The following CFTR variants were observed in gnomAD, a reference collection of about 807,000 sequenced individuals.
CFTR encodes CF transmembrane conductance regulator, also known as cystic fibrosis transmembrane conductance regulator.
In CFTR, 181 loss-of-function variants were observed where a neutral mutation model predicts 171.6. The ratio of observed to expected loss-of-function variants is 1.05; its 90% CI spans 0.93 to 1.19. CFTR has a LOEUF of 1.19. Ranked by LOEUF, CFTR falls within the 50% of genes most tolerant of loss-of-function variation. The pLI is 0.00. For synonymous variants in CFTR, 583 were observed against 608.0 expected, an observed-to-expected ratio of 0.96 and a Z score of 0.60; for missense variants, 1,968 against 1,734.7, an observed-to-expected ratio of 1.13 and a Z score of -2.39.
At chr7:117,556,744 C>T (rs1351379975) in intron 10 of CFTR, among the ~76,000 whole-genome samples, 3 of 150,524 alleles carry the variant, frequency 2.0e-5, no homozygotes, top group Admixed American at 6.6e-5. Flanking sequence ...TGGTCTCGAT[C>T]TCCTGACCTC....
In CFTR at chr7:117,531,004, T is replaced by C. The variant is rs2116670348; in HGVS notation, c.379T>C (p.Leu127=). The part of the protein sequence containing the change: ...RSIAIYLGIG[L]CLLFIVRTLL... ...TATCGCGATTTATCTAGGCATAGGCTTATGCCTTCTCTTTATTGTGAGGAC... is the reference window on the plus strand; with the variant it reads ...TATCGCGATTTATCTAGGCATAGGCCTATGCCTTCTCTTTATTGTGAGGAC... The change falls in exon 4 of 27, where the codon TTA becomes CTA. Residue 127 remains leucine, a synonymous_variant. Coordinates refer to ENST00000003084, the MANE Select transcript of CFTR (RefSeq NM_000492.4). 5 of 1,612,544 alleles carry C rather than the reference T, an allele frequency of 3.1e-6. No homozygotes were observed. The highest frequency in any genetic ancestry group is 4.2e-6 in the Non-Finnish European group (5 of 1,178,688).
intron 20 of CFTR, among the ~76,000 whole-genome samples, chr7:117,612,023 G>GTGTA (rs1323046521): frequency 0.014 from 770 of 53,202 alleles, 44 homozygotes; most frequent in Admixed American, 0.11. Context: ...ATATATATAT[G>GTGTA]TATATATATA....
intron 1 of CFTR, among the ~76,000 whole-genome samples, chr7:117,499,429 C>CTGTGTGTGTGTGTG (rs56985019): frequency 0.067 from 9,122 of 135,774 alleles, 554 homozygotes; most frequent in African/African-American, 0.16. Context: ...ATAGTTTCAT[C>CTGTGTGTGTGTGTG]TGTGTGTGTG....
chr7:117,579,475 A>G (rs1225298011), intron 11 of CFTR, among the ~76,000 whole-genome samples: 1 of 151,894 alleles, frequency 6.6e-6, no homozygotes, highest in African/African-American at 2.4e-5. Context: ...TATCTTTGGG[A>G]TAACATTCAT....
intron 1 of CFTR, among the ~76,000 whole-genome samples, chr7:117,498,433 A>G (rs996965410): frequency 6.6e-6 from 1 of 152,150 alleles, no homozygotes. Flanking sequence ...AGGAGGGGAA[A>G]TTAGTAACTT....
intron 25 of CFTR, 147 bp from the exon 26 acceptor site, chr7:117,665,312 T>G (rs937602520): frequency 4.9e-6 from 3 of 615,276 alleles, no homozygotes; most frequent in African/African-American, 3.7e-5. Flanking sequence ...AAGCTGATTG[T>G]GGCTAACGCT....
Position 117,606,741 on chromosome 7 carries a change from T to G in CFTR, c.2976T>G (p.Phe992Leu), listed in dbSNP as rs758250836. The G allele has an allele frequency of 6.4e-7, 1 of 1,569,836 alleles. No individual in the cohort carries two copies. Among genetic ancestry groups the G allele is most frequent in the Non-Finnish European group, 8.8e-7 (1 of 1,140,008 alleles). Residue 992 changes from phenylalanine to leucine, a missense_variant, in exon 18 of 27, where the codon TTT becomes TTG. By Grantham distance (22) the Phe-to-Leu change is conservative (BLOSUM62 0). Transcript: ENST00000003084. Reference protein sequence around the residue: ...ILDDLLPLTIFDFIQLLLIVI... With the variant: ...ILDDLLPLTILDFIQLLLIVI... ...ATGACCTTCTGCCTCTTACCATATT[T>G]GACTTCATCCAGGTATGTAAAAATA...
rs565891560 is a variant in CFTR, at chr7:117,520,899, A to T, written c.274-10000A>T. 5.9e-4 allele frequency among the ~76,000 whole-genome samples: 89 copies of T among 152,118 alleles called. 1 individual carries two copies. The highest frequency in any genetic ancestry group is 2.1e-3 in the African/African-American group (88 of 41,584). On this transcript the variant is annotated intron_variant, in intron 3 of 26. Coordinates refer to ENST00000003084, the MANE Select transcript of CFTR (RefSeq NM_000492.4). ...GGTGCTAAAAATTCACTTCCAAAAAAATCTTTAAATGTTGATGAAGATTGC... is the reference window on the plus strand; with the variant it reads ...GGTGCTAAAAATTCACTTCCAAAAATATCTTTAAATGTTGATGAAGATTGC...
chr7:117,559,220 C>T (rs1385658656), intron 10 of CFTR, among the ~76,000 whole-genome samples: 1 of 152,202 alleles, frequency 6.6e-6, no homozygotes, highest in African/African-American at 2.4e-5. Context: ...TGTGCCCCTT[C>T]TCTGTGAACC....
chr7:117,630,480 C>T (rs962555978), intron 22 of CFTR, among the ~76,000 whole-genome samples: 4 of 152,138 alleles, frequency 2.6e-5, no homozygotes, highest in Admixed American at 6.5e-5. Context: ...TCACATGATC[C>T]GGAAAATTTA....
At chr7:117,573,250 C>T (rs532047770) in intron 11 of CFTR, among the ~76,000 whole-genome samples, 1 of 152,248 alleles carries the variant, frequency 6.6e-6, no homozygotes, top group East Asian at 1.9e-4. Flanking sequence ...GCATATATCA[C>T]ATTGGATATG....
At chr7:117,643,425 C>G (rs1431919470) in intron 23 of CFTR, among the ~76,000 whole-genome samples, 1 of 152,054 alleles carries the variant, frequency 6.6e-6, no homozygotes, top group African/African-American at 2.4e-5. Flanking sequence ...AGGAGCACCT[C>G]CAGGTAGACT....
chr7:117,513,992 G>C (rs1351405316), intron 3 of CFTR, among the ~76,000 whole-genome samples: 2 of 152,000 alleles, frequency 1.3e-5, no homozygotes, highest in African/African-American at 4.8e-5. Flanking sequence ...AATTGGTCTG[G>C]GATAAAACCT....
At chr7:117,571,659 C>G (rs956232884) in intron 11 of CFTR, among the ~76,000 whole-genome samples, 5 of 152,054 alleles carry the variant, frequency 3.3e-5, no homozygotes, top group Non-Finnish European at 7.4e-5. Flanking sequence ...CGAACCTACC[C>G]CAAACACCTT....
chr7:117,623,014 T>G (rs933647329), intron 21 of CFTR, among the ~76,000 whole-genome samples: 3 of 152,192 alleles, frequency 2.0e-5, no homozygotes, highest in Non-Finnish European at 4.4e-5. Flanking sequence ...TTTTAAGGAT[T>G]GACCCCTTCT....
At chr7:117,529,398 G>C (rs1412665442) in intron 3 of CFTR, among the ~76,000 whole-genome samples, 1 of 128,432 alleles carries the variant, frequency 7.8e-6, no homozygotes, top group Non-Finnish European at 1.6e-5. Flanking sequence ...GATAGCATTG[G>C]GAGATATACC....
intron 11 of CFTR, among the ~76,000 whole-genome samples, chr7:117,561,805 A>T (rs1242084708): frequency 6.6e-6 from 1 of 152,166 alleles, no homozygotes; most frequent in African/African-American, 2.4e-5. Context: ...CAGGAGTAAA[A>T]TGAGGTAGCA....
chr7:117,496,214 T>G (rs1459878528), intron 1 of CFTR, among the ~76,000 whole-genome samples: 2 of 152,128 alleles, frequency 1.3e-5, no homozygotes, highest in Admixed American at 6.6e-5. Flanking sequence ...TTCTTTTTTA[T>G]TTTTTTAGAG....
At chr7:117,562,091 T>C (rs1217334274) in intron 11 of CFTR, among the ~76,000 whole-genome samples, 2 of 152,186 alleles carry the variant, frequency 1.3e-5, no homozygotes, top group African/African-American at 4.8e-5. Context: ...CACAACGTCT[T>C]GTACAAAGTA....
Sources: allele counts gnomAD v4.1 joint callset (sites outside exome capture counted in the v4.1 genomes callset), GRCh38; gene constraint gnomAD v4.1.1; transcripts MANE v1.5; gene names NCBI Gene and HGNC (gene_info 2026-07-23, HGNC 2026-07-21).